CPS1: variants seen among roughly 807,000 people sequenced by gnomAD.
The protein encoded by CPS1 is carbamoyl-phosphate synthase [ammonia], mitochondrial.
A neutral mutation model predicts 174.6 loss-of-function variants in CPS1; 109 were observed. That is an observed-to-expected ratio of 0.62 (90% CI 0.53 to 0.73). The LOEUF is 0.73. Ranked by LOEUF, CPS1 falls within the 30% of genes least tolerant of loss-of-function variation. CPS1 has a pLI of 0.00. For missense variants in CPS1, 1,689 were observed against 1,821.9 expected, an observed-to-expected ratio of 0.93 and a Z score of 1.33; for synonymous variants, 637 against 632.0, an observed-to-expected ratio of 1.01 and a Z score of -0.12.
chr2:210,496,506 A>G (rs1245724531), intron 1 of CPS1, among the ~76,000 whole-genome samples: 1 of 152,210 alleles, frequency 6.6e-6, no homozygotes, highest in Non-Finnish European at 1.5e-5. Flanking sequence ...TCTGGATGTC[A>G]GCAGATCATG....
chr2:210,575,815 A>G lies in CPS1; in HGVS notation c.237-531A>G, dbSNP rs568427824. Among the ~76,000 whole-genome samples the G allele has an allele frequency of 2.9e-3, 440 of 152,196 alleles. 3 individuals carry two copies. The highest frequency in any genetic ancestry group is 0.01 in the African/African-American group (422 of 41,550). ...ATTAACTCACTTATTCTAAATATTC[A>G]TTGAATTTTAATAATCATATATACT... is the stretch of plus-strand genomic sequence containing the variant. On this transcript the variant is annotated intron_variant, in intron 2 of 37. Transcript: ENST00000233072.
In CPS1 at chr2:210,593,055, A is replaced by G. The variant is rs113899268; in HGVS notation, c.1164+99A>G. 6.0e-3 allele frequency: 6,264 copies of G among 1,051,996 alleles called. 118 individuals are homozygous for G. Among genetic ancestry groups the G allele is most frequent in the African/African-American group, 0.052 (3,311 of 63,938 alleles). 65.2% of individuals were successfully genotyped at this position (1,051,996 alleles called of 1,614,324 possible). A position where few individuals can be genotyped will look rare whatever the true frequency, so the allele number is the denominator to read the frequency against. On this transcript the variant is annotated intron_variant, in intron 11 of 37. Transcript: ENST00000233072. ...ATAATCACCCCAGATGATCTTGAGCAGAACATTCTCAAGAAGAGTGCTTTG... is the reference window on the plus strand; with the variant it reads ...ATAATCACCCCAGATGATCTTGAGCGGAACATTCTCAAGAAGAGTGCTTTG...
rs1002542891 is a variant in CPS1, at chr2:210,643,525, A to G, written c.3141+860A>G. On this transcript the variant is annotated intron_variant, in intron 25 of 37. Transcript: ENST00000233072. ...AACCTCATTGATTTCTTTAAGTTAC[A>G]TAAATTCTCCGTGCTTTATCTTTAT... Among the ~76,000 whole-genome samples the G allele has an allele frequency of 4.6e-5, 7 of 152,264 alleles. No individual in the cohort carries two copies. In the South Asian group the frequency reaches 8.3e-4, roughly 18 times the overall value.
chr2:210,625,932 T>C (rs185368946), intron 21 of CPS1, among the ~76,000 whole-genome samples: 2 of 152,140 alleles, frequency 1.3e-5, no homozygotes, highest in East Asian at 3.9e-4. Flanking sequence ...AAAACTAAAG[T>C]GGATATTAGC....
chr2:210,652,992 C>T (rs1489120130), intron 28 of CPS1, among the ~76,000 whole-genome samples: 2 of 152,158 alleles, frequency 1.3e-5, no homozygotes, highest in Non-Finnish European at 1.5e-5. Context: ...AAGTGTTTTT[C>T]AGAAGGCCAG....
chr2:210,574,444 C>T (rs139058399), intron 2 of CPS1, among the ~76,000 whole-genome samples: 32 of 152,214 alleles, frequency 2.1e-4, no homozygotes, highest in African/African-American at 7.2e-4. Flanking sequence ...TTCTTAAACT[C>T]TTGCCTCCCT....
intron 1 of CPS1, among the ~76,000 whole-genome samples, chr2:210,569,056 T>G (rs1206131953): frequency 6.6e-6 from 1 of 152,078 alleles, no homozygotes; most frequent in Non-Finnish European, 1.5e-5. Context: ...CTGACTAAAG[T>G]AATTTCACTA....
chr2:210,492,541 G>A lies in CPS1; in HGVS notation c.3+14775G>A, dbSNP rs77299609. 1.8e-3 allele frequency among the ~76,000 whole-genome samples: 276 copies of A among 151,804 alleles called. 1 individual carries two copies. Among genetic ancestry groups the A allele is most frequent in the African/African-American group, 6.4e-3 (264 of 41,438 alleles). On this transcript the variant is annotated intron_variant, in intron 1 of 38. Transcript: ENST00000430249. The stretch of plus-strand genomic sequence containing the variant: ...CACCATGAAGCCTAGAGGGCAACTG[G>A]TAGCACAGAATTTAGAAGATACTTT...
At chr2:210,651,988 C>T (rs1273118998) in intron 28 of CPS1, among the ~76,000 whole-genome samples, 2 of 152,108 alleles carry the variant, frequency 1.3e-5, no homozygotes, top group African/African-American at 2.4e-5. Flanking sequence ...CAATGAACAT[C>T]GCAATAGAGA....
intron 1 of CPS1, among the ~76,000 whole-genome samples, chr2:210,515,394 G>A (rs1004731428): frequency 6.6e-5 from 10 of 151,310 alleles, no homozygotes; most frequent in Non-Finnish European, 1.5e-4. Context: ...ATATTGGTCT[G>A]TTAAAGGTTT....
chr2:210,614,320 TC>T (rs1427670654), intron 20 of CPS1, among the ~76,000 whole-genome samples: 1 of 151,954 alleles, frequency 6.6e-6, no homozygotes, highest in African/African-American at 2.4e-5. Context: ...TTGGGTTGGT[TC>T]CAAGTCTTTG....
At chr2:210,518,518 C>T (rs1393592232) in intron 1 of CPS1, among the ~76,000 whole-genome samples, 1 of 151,962 alleles carries the variant, frequency 6.6e-6, no homozygotes, top group African/African-American at 2.4e-5. Context: ...TGGCTTGCTA[C>T]TTTTTCTTCT....
intron 1 of CPS1, among the ~76,000 whole-genome samples, chr2:210,490,155 G>A (rs1436424090): frequency 6.6e-6 from 1 of 152,198 alleles, no homozygotes; most frequent in African/African-American, 2.4e-5. Flanking sequence ...ACTACTCTCA[G>A]CTTTCTCTGT....
chr2:210,567,729 T>C lies in CPS1; in HGVS notation c.127-5569T>C, dbSNP rs74458067. Among the ~76,000 whole-genome samples, 56 of 152,266 alleles carry C rather than the reference T, an allele frequency of 3.7e-4. No individual in the cohort carries two copies. In the East Asian group the frequency reaches 7.1e-3, roughly 19 times the overall value. On this transcript the variant is annotated intron_variant, in intron 1 of 37. Coordinates refer to ENST00000233072, the MANE Select transcript of CPS1 (RefSeq NM_001875.5). ...CATTACTTATATGACACCTGAATGG[T>C]AGAAGAAAGCCTAAGGGTACTTTTT...
chr2:210,535,370 CA>C (rs1696219064), intron 1 of CPS1, among the ~76,000 whole-genome samples: 1 of 152,158 alleles, frequency 6.6e-6, no homozygotes, highest in Non-Finnish European at 1.5e-5. Flanking sequence ...GTTCCCCTCC[CA>C]ATCCCTCCAC....
chr2:210,606,752 C>A lies in CPS1; in HGVS notation c.2003C>A (p.Pro668His). ...VHTGDSVVVA[P>H]AQTLSNAEFQ... is the part of the protein sequence containing the mutation. ...ATAGGTGACTCAGTTGTTGTGGCTCCTGCCCAGACACTCTCCAATGCCGAG... is the reference window on the plus strand; with the variant it reads ...ATAGGTGACTCAGTTGTTGTGGCTCATGCCCAGACACTCTCCAATGCCGAG... Residue 668 changes from proline to histidine, a missense_variant, in exon 18 of 38, where the codon CCT becomes CAT. By Grantham distance (77) the Pro-to-His change is moderately conservative (BLOSUM62 -2). Coordinates refer to ENST00000233072, the MANE Select transcript of CPS1 (RefSeq NM_001875.5). The A allele has an allele frequency of 6.2e-7, 1 of 1,612,376 alleles. No individual in the cohort carries two copies.
rs377680282 is a variant in CPS1 at position 210,567,847 on chromosome 2, C to A, written c.127-5451C>A. ...TACCTATGTGAAATATTTGTCTTTG[C>A]TTTCAAGAGGAGAAGATGAAAATTA... is the stretch of plus-strand genomic sequence containing the variant. On this transcript the variant is annotated intron_variant, in intron 1 of 37. Coordinates refer to ENST00000233072, the MANE Select transcript of CPS1 (RefSeq NM_001875.5). Among the ~76,000 whole-genome samples the A allele has an allele frequency of 1.7e-4, 26 of 152,244 alleles. No individual in the cohort carries two copies. The South Asian group carries it at 3.3e-3, about 19-fold the overall frequency.
intron 6 of CPS1, among the ~76,000 whole-genome samples, chr2:210,584,250 T>C (rs1376649329): frequency 6.6e-6 from 1 of 152,100 alleles, no homozygotes; most frequent in Non-Finnish European, 1.5e-5. Flanking sequence ...TGTGGAAGCC[T>C]ATGTGGCATC....
rs1405902355 is a variant in CPS1 at position 210,616,508 on chromosome 2, T to C, written c.2654T>C (p.Leu885Ser). The change falls in exon 21 of 38, where the codon TTA becomes TCA. Residue 885 changes from leucine to serine, a missense_variant. By Grantham distance (145) the Leu-to-Ser change is moderately radical. Coordinates refer to ENST00000233072, the MANE Select transcript of CPS1 (RefSeq NM_001875.5). Reference protein sequence around the residue: ...KWFLYKMRDILNMEKTLKGLN... With the variant: ...KWFLYKMRDISNMEKTLKGLN... ...TTTTTGTATAAGATGCGTGATATTT[T>C]AAACATGGAAAAGACACTGAAAGGC... 2.5e-6 allele frequency: 4 copies of C among 1,611,320 alleles called. No homozygotes were observed. Among genetic ancestry groups the C allele is most frequent in the Non-Finnish European group, 2.5e-6 (3 of 1,177,950 alleles).
Sources: allele counts gnomAD v4.1 joint callset (sites outside exome capture counted in the v4.1 genomes callset), GRCh38; gene constraint gnomAD v4.1.1; transcripts MANE v1.5; gene names NCBI Gene and HGNC (gene_info 2026-07-23, HGNC 2026-07-21).